Variants in KAZN observed in about 807,000 individuals in gnomAD.
KAZN encodes the protein kazrin.
KAZN carries 40 observed loss-of-function variants against 87.4 expected under a neutral mutation model. The ratio of observed to expected loss-of-function variants is 0.46; its 90% CI spans 0.36 to 0.60. KAZN has a LOEUF of 0.60. KAZN is among the 20% of genes least tolerant of loss of function. KAZN has a pLI of 0.00. For synonymous variants in KAZN, 466 were observed against 458.3 expected (o/e 1.02, Z -0.22); for missense variants, 898 against 1,073.9 (o/e 0.84, Z 2.29).
At chr1:14,100,404 A>G (rs889448831) in intron 1 of KAZN, among the ~76,000 whole-genome samples, 4 of 152,208 alleles carry the variant, frequency 2.6e-5, no homozygotes, top group African/African-American at 9.7e-5. Flanking sequence ...CCCAGCGCAC[A>G]GTTGCACTCA....
chr1:14,105,057 C>T (rs781351561), intron 1 of KAZN, among the ~76,000 whole-genome samples: 9 of 152,142 alleles, frequency 5.9e-5, no homozygotes, highest in Admixed American at 5.9e-4. Flanking sequence ...CTCTGTGTCT[C>T]AAGGGATACA....
At chr1:14,181,575 GC>G (rs1281399066) in intron 2 of KAZN, among the ~76,000 whole-genome samples, 1 of 152,090 alleles carries the variant, frequency 6.6e-6, no homozygotes, top group African/African-American at 2.4e-5. Context: ...GCCTGAAGCC[GC>G]CCCATGGGAT....
At chr1:14,428,820 A>G (rs1357498102) in intron 2 of KAZN, among the ~76,000 whole-genome samples, 1 of 152,054 alleles carries the variant, frequency 6.6e-6, no homozygotes, top group Non-Finnish European at 1.5e-5. Context: ...AATTATCTCC[A>G]CCTGGTCCCT....
intron 1 of KAZN, among the ~76,000 whole-genome samples, chr1:14,795,554 G>C (rs779520386): frequency 1.3e-5 from 2 of 152,044 alleles, no homozygotes; most frequent in Non-Finnish European, 2.9e-5. Context: ...TCAAATTCAG[G>C]CTTCATGGCG....
At chr1:14,196,920 T>C (rs925926763) in intron 2 of KAZN, among the ~76,000 whole-genome samples, 7 of 152,112 alleles carry the variant, frequency 4.6e-5, no homozygotes, top group South Asian at 4.2e-4. Flanking sequence ...GCTGCCACCA[T>C]AGCAAGCTGA....
intron 1 of KAZN, among the ~76,000 whole-genome samples, chr1:14,174,131 A>G (rs759870423): frequency 1.3e-5 from 2 of 152,188 alleles, no homozygotes; most frequent in Non-Finnish European, 2.9e-5. Flanking sequence ...GAGGGTACAC[A>G]CTGAATAGAC....
intron 1 of KAZN, among the ~76,000 whole-genome samples, chr1:14,686,681 G>A (rs951262387): frequency 6.6e-6 from 1 of 152,188 alleles, no homozygotes; most frequent in Non-Finnish European, 1.5e-5. Flanking sequence ...CGGGTGTAGC[G>A]GGAAGCCCAG....
intron 2 of KAZN, among the ~76,000 whole-genome samples, chr1:14,556,421 T>C (rs1265798522): frequency 6.6e-6 from 1 of 152,112 alleles, no homozygotes; most frequent in Non-Finnish European, 1.5e-5. Context: ...GGAAGAGCAG[T>C]TCTTAAGCAC....
intron 1 of KAZN, among the ~76,000 whole-genome samples, chr1:14,711,116 C>G (rs1642463686): frequency 6.6e-6 from 1 of 152,128 alleles, no homozygotes; most frequent in Non-Finnish European, 1.5e-5. Flanking sequence ...TCACTTGAGC[C>G]CAGGAGTTGG....
At chr1:14,121,651 T>C (rs1222498539) in intron 1 of KAZN, among the ~76,000 whole-genome samples, 1 of 152,190 alleles carries the variant, frequency 6.6e-6, no homozygotes, top group South Asian at 2.1e-4. Flanking sequence ...TCCCTCATGA[T>C]GTGAGCACTT....
intron 1 of KAZN, among the ~76,000 whole-genome samples, chr1:14,004,126 A>G (rs1230862298): frequency 6.6e-6 from 1 of 152,332 alleles, no homozygotes; most frequent in East Asian, 1.9e-4. Context: ...CAAATGTCCA[A>G]CGTCATTAGA....
chr1:14,205,091 G>A (rs1646712307), intron 2 of KAZN, among the ~76,000 whole-genome samples: 1 of 152,224 alleles, frequency 6.6e-6, no homozygotes, highest in African/African-American at 2.4e-5. Context: ...GAGGCAGATG[G>A]GGAAGAGGCT....
intron 1 of KAZN, among the ~76,000 whole-genome samples, chr1:14,834,032 T>C (rs1263584480): frequency 2.0e-5 from 3 of 151,816 alleles, no homozygotes. Flanking sequence ...CATACATATA[T>C]ATTTTTTGTT....
intron 2 of KAZN, among the ~76,000 whole-genome samples, chr1:14,288,983 T>C (rs1374851799): frequency 6.6e-6 from 1 of 152,236 alleles, no homozygotes; most frequent in East Asian, 1.9e-4. Flanking sequence ...TCCATGTACA[T>C]GTGTGGTTTT....
rs541197313 is a variant in KAZN, at chr1:14,101,329, C to G, written c.92-79106C>G. On this transcript the variant is annotated intron_variant, in intron 1 of 16. Coordinates refer to the KAZN transcript ENST00000636203. ...ACCAAATTCACCATTTGGAGAATAA[C>G]ACCATTCATCTCTTTGGATGACGGT... Among the ~76,000 whole-genome samples, 449 of 152,322 alleles carry G rather than the reference C, an allele frequency of 2.9e-3. 6 individuals are homozygous for G. The highest frequency in any genetic ancestry group is 0.01 in the African/African-American group (434 of 41,570).
At chr1:14,722,420 C>A (rs553308882) in intron 1 of KAZN, among the ~76,000 whole-genome samples, 1 of 152,214 alleles carries the variant, frequency 6.6e-6, no homozygotes, top group South Asian at 2.1e-4. Context: ...ATAAAAAATT[C>A]AATTTAAAAC....
In KAZN at chr1:15,099,710, A is replaced by G. The variant is rs74059826; in HGVS notation, c.1548-1833A>G. ...TGCAAAGAGAAGCCACAGAGTGTTG[A>G]GCAGGGGAGTGCACGGTCACACTGA... On this transcript the variant is annotated intron_variant, in intron 10 of 14. Transcript: ENST00000376030. The surrounding 1 kb of genome is among the most constrained non-coding windows in gnomAD (Gnocchi z 5.4). Among the ~76,000 whole-genome samples, 10 of 152,106 alleles carry G rather than the reference A, an allele frequency of 6.6e-5. No individual in the cohort carries two copies. Among genetic ancestry groups the G allele is most frequent in the Admixed American group, 5.2e-4 (8 of 15,274 alleles).
At chr1:14,723,048 C>A (rs1643197804) in intron 1 of KAZN, among the ~76,000 whole-genome samples, 1 of 152,078 alleles carries the variant, frequency 6.6e-6, no homozygotes, top group African/African-American at 2.4e-5. Flanking sequence ...ATCACTTGAG[C>A]CCGGGAAGTC....
chr1:14,289,881 G>A (rs1209483786), intron 2 of KAZN, among the ~76,000 whole-genome samples: 1 of 152,190 alleles, frequency 6.6e-6, no homozygotes, highest in Non-Finnish European at 1.5e-5. Flanking sequence ...GCCCGGTGGT[G>A]ACAAAATCTC....
Sources: gnomAD v4.1 joint callset for allele counts (sites outside exome capture counted in the v4.1 genomes callset) on GRCh38, gnomAD v4.1.1 for gene constraint, Gnocchi (gnomAD v3.1) non-coding constraint, MANE v1.5 for transcripts, NCBI Gene and HGNC (gene_info 2026-07-23, HGNC 2026-07-21) for gene names.